The following ITFG1 variants were observed in gnomAD, a reference collection of about 807,000 sequenced individuals.
ITFG1 encodes integrin alpha FG-GAP repeat containing 1, also known as T-cell immunomodulatory protein.
A neutral mutation model predicts 81.8 loss-of-function variants in ITFG1; 34 were observed. That is an observed-to-expected ratio of 0.42 (90% CI 0.32 to 0.55). The LOEUF is 0.55. ITFG1 is among the 20% of genes least tolerant of loss of function. ITFG1 has a pLI of 0.17. For synonymous variants in ITFG1, 285 were observed against 270.6 expected (o/e 1.05, Z -0.52); for missense variants, 672 against 755.4 (o/e 0.89, Z 1.29).
chr16:47,414,685 T>C lies in ITFG1; in HGVS notation c.655+14119A>G, dbSNP rs554181188. The stretch of plus-strand genomic sequence containing the variant: ...AATTCTATACACAATTCCATTCGGA[T>C]AAAAAAGGAAAATGTGCATGTATCT... On this transcript the variant is annotated intron_variant, in intron 6 of 17. Coordinates refer to ENST00000320640, the MANE Select transcript of ITFG1 (RefSeq NM_030790.5). Among the ~76,000 whole-genome samples, 5 of 152,232 alleles carry C rather than the reference T, an allele frequency of 3.3e-5. No homozygotes were observed. The East Asian group carries it at 9.6e-4, about 29-fold the overall frequency.
chr16:47,310,662 G>A (rs1567454925), intron 10 of ITFG1, among the ~76,000 whole-genome samples: 1 of 152,202 alleles, frequency 6.6e-6, no homozygotes, highest in Admixed American at 6.5e-5. Context: ...GGAATTTCCA[G>A]TGTCATTACA....
chr16:47,178,181 C>G (rs1241668024), intron 14 of ITFG1, among the ~76,000 whole-genome samples: 1 of 152,058 alleles, frequency 6.6e-6, no homozygotes, highest in East Asian at 1.9e-4. Flanking sequence ...GGATGGTTAC[C>G]CACATAGAAA....
At chr16:47,245,690 A>T (rs1443204386) in intron 12 of ITFG1, among the ~76,000 whole-genome samples, 1 of 152,214 alleles carries the variant, frequency 6.6e-6, no homozygotes, top group Admixed American at 6.5e-5. Flanking sequence ...TCCAGAAAAG[A>T]CTATCAAACA....
chr16:47,235,788 TGAA>T (rs972150640), intron 13 of ITFG1, among the ~76,000 whole-genome samples: 2 of 152,236 alleles, frequency 1.3e-5, no homozygotes, highest in African/African-American at 2.4e-5. Context: ...CAAAGGAATA[TGAA>T]GAAGAACTAC....
chr16:47,359,562 T>C (rs1482288564), intron 8 of ITFG1, among the ~76,000 whole-genome samples: 4 of 152,226 alleles, frequency 2.6e-5, no homozygotes, highest in African/African-American at 7.2e-5. Flanking sequence ...CAAGTCACCA[T>C]AGCTTTTCCC....
chr16:47,215,522 C>T (rs890579125), intron 14 of ITFG1, among the ~76,000 whole-genome samples: 10 of 152,118 alleles, frequency 6.6e-5, no homozygotes, highest in South Asian at 6.2e-4. Flanking sequence ...TAGTAACATA[C>T]GTTAGTTTGT....
At chr16:47,420,969 A>G (rs1968938671) in intron 6 of ITFG1, among the ~76,000 whole-genome samples, 1 of 152,064 alleles carries the variant, frequency 6.6e-6, no homozygotes, top group Non-Finnish European at 1.5e-5. Flanking sequence ...TTAAGATTAC[A>G]TTATCTTGCT....
chr16:47,444,318 T>G (rs1321045395), intron 5 of ITFG1, among the ~76,000 whole-genome samples: 1 of 152,230 alleles, frequency 6.6e-6, no homozygotes. Context: ...ATAATGCAGC[T>G]AAAATAATTT....
At chr16:47,410,832 G>A (rs769577932) in intron 6 of ITFG1, among the ~76,000 whole-genome samples, 7 of 152,206 alleles carry the variant, frequency 4.6e-5, no homozygotes, top group Admixed American at 2.6e-4. Flanking sequence ...GGGGTTTTGC[G>A]TGCAGGGCAT....
rs376073340 is a variant in ITFG1 at position 47,221,479 on chromosome 16, G to A, written c.1375-2533C>T. 3.9e-5 allele frequency among the ~76,000 whole-genome samples: 6 copies of A among 152,200 alleles called. No individual in the cohort carries two copies. In the East Asian group the frequency reaches 7.7e-4, roughly 20 times the overall value. ...AGCTTTTTGATGTGCTGCTGGATTC[G>A]GTTTGCCAGTATTTTTTGAGGATTT... On this transcript the variant is annotated intron_variant, in intron 13 of 17. Transcript: ENST00000320640.
chr16:47,174,387 A>G (rs1283580901), intron 14 of ITFG1, among the ~76,000 whole-genome samples: 2 of 152,178 alleles, frequency 1.3e-5, no homozygotes, highest in East Asian at 3.8e-4. Flanking sequence ...AACAGGTAGG[A>G]AGAGGAAGAC....
intron 14 of ITFG1, among the ~76,000 whole-genome samples, chr16:47,210,664 G>A (rs567283983): frequency 9.2e-5 from 14 of 152,198 alleles, no homozygotes; most frequent in African/African-American, 3.1e-4. Context: ...TTACATTTAT[G>A]TCCATGATCC....
At chr16:47,385,032 T>C (rs1046763807) in intron 6 of ITFG1, among the ~76,000 whole-genome samples, 1 of 152,236 alleles carries the variant, frequency 6.6e-6, no homozygotes, top group Admixed American at 6.5e-5. Flanking sequence ...GCAGAGGTAC[T>C]CTCTTGTTGG....
chr16:47,288,237 A>T lies in ITFG1; in HGVS notation c.1070+23003T>A, dbSNP rs553282297. On this transcript the variant is annotated intron_variant, in intron 10 of 17. Coordinates refer to ENST00000320640, the MANE Select transcript of ITFG1 (RefSeq NM_030790.5). ...ACTTGGATTATTTCACTTAATATAA[A>T]GTCCTCCAAGCTCATCATGCTGTTA... Among the ~76,000 whole-genome samples, 4 of 152,324 alleles carry T rather than the reference A, an allele frequency of 2.6e-5. No individual in the cohort carries two copies. In the East Asian group the frequency reaches 7.7e-4, roughly 29 times the overall value.
intron 6 of ITFG1, among the ~76,000 whole-genome samples, chr16:47,421,690 A>T (rs1968952145): frequency 6.6e-6 from 1 of 151,988 alleles, no homozygotes; most frequent in Non-Finnish European, 1.5e-5. Flanking sequence ...CTTTTTTTTA[A>T]AATTATACTT....
At chr16:47,196,310 AC>A (rs774049805) in intron 14 of ITFG1, 1 of 150,366 alleles carries the variant, frequency 6.7e-6, no homozygotes, top group Non-Finnish European at 1.5e-5. Flanking sequence ...TAATTACTTC[AC>A]CTATTTCTTT....
intron 8 of ITFG1, among the ~76,000 whole-genome samples, chr16:47,360,958 T>G (rs1029169838): frequency 1.3e-5 from 2 of 152,210 alleles, no homozygotes; most frequent in African/African-American, 4.8e-5. Flanking sequence ...TTGATTACTG[T>G]GCTAGGTACT....
intron 8 of ITFG1, among the ~76,000 whole-genome samples, chr16:47,358,090 T>G (rs1242781952): frequency 6.6e-6 from 1 of 152,218 alleles, no homozygotes; most frequent in African/African-American, 2.4e-5. Flanking sequence ...CTGGGTTTAT[T>G]ATTTGTTTGA....
intron 15 of ITFG1, among the ~76,000 whole-genome samples, chr16:47,162,338 C>T (rs958711449): frequency 6.6e-5 from 10 of 151,974 alleles, no homozygotes; most frequent in Admixed American, 4.6e-4. Flanking sequence ...AAAAACTACA[C>T]GGTATCTTAA....
Sources: gnomAD v4.1 joint callset for allele counts (sites outside exome capture counted in the v4.1 genomes callset) on GRCh38, gnomAD v4.1.1 for gene constraint, MANE v1.5 for transcripts, NCBI Gene and HGNC (gene_info 2026-07-23, HGNC 2026-07-21) for gene names.